The following DPP6 variants were observed in gnomAD, a reference collection of about 807,000 sequenced individuals.
DPP6 encodes the protein dipeptidyl peptidase like 6, also known as A-type potassium channel modulatory protein DPP6.
In DPP6, 69 loss-of-function variants were observed where a neutral mutation model predicts 122.6. The observed-to-expected ratio is 0.56, with a 90% confidence interval of 0.46 to 0.69. DPP6 has a LOEUF of 0.69. DPP6 is among the 30% of genes least tolerant of loss of function. DPP6 has a pLI of 0.00. For missense variants in DPP6, 928 were observed against 1,116.9 expected (o/e 0.83, Z 2.41); for synonymous variants, 418 against 433.1 (o/e 0.97, Z 0.43).
intron 1 of DPP6, among the ~76,000 whole-genome samples, chr7:154,091,638 C>T (rs1224357399): frequency 2.3e-5 from 3 of 129,598 alleles, no homozygotes; most frequent in African/African-American, 7.4e-5. Context: ...ATCTGACAGG[C>T]AAGGGTCCCT....
chr7:153,876,595 G>A, the DPP6 span, among the ~76,000 whole-genome samples: 44 of 152,100 alleles, frequency 2.9e-4, no homozygotes, highest in African/African-American at 1.0e-3. Flanking sequence ...GAAATTAAAA[G>A]TGCCAATTTT....
chr7:154,700,944 C>T (rs1259715987), intron 7 of DPP6, among the ~76,000 whole-genome samples: 1 of 152,148 alleles, frequency 6.6e-6, no homozygotes, highest in Non-Finnish European at 1.5e-5. Flanking sequence ...CACAGTCCAG[C>T]CCTTGCCCAA....
Position 154,446,321 on chromosome 7 carries a change from G to T in DPP6, c.351G>T (p.Leu117=). 1 of 1,611,152 alleles carries T rather than the reference G, an allele frequency of 6.2e-7. No individual in the cohort carries two copies. Among genetic ancestry groups the T allele is most frequent in the South Asian group, 1.1e-5 (1 of 90,756 alleles). The change falls in exon 2 of 26, where the codon CTG becomes CTT. Residue 117 remains leucine (L), a synonymous_variant. Coordinates refer to ENST00000377770, the MANE Select transcript of DPP6 (RefSeq NM_130797.4). The stretch of plus-strand genomic sequence containing the variant: ...TGATCGTCACCTCGGTCATACTTCT[G>T]ACACCAGGTACTGTATTCATTCTTG... The part of the protein sequence containing the change: ...CSLIVTSVIL[L]TPAEDNSLSQ...
intron 1 of DPP6, among the ~76,000 whole-genome samples, chr7:154,088,374 T>C (rs1200375793): frequency 6.8e-6 from 1 of 146,954 alleles, no homozygotes; most frequent in Non-Finnish European, 1.5e-5. Context: ...GAGACACTGG[T>C]GGCTTTCTGA....
At chr7:153,855,288 T>C in the DPP6 span, among the ~76,000 whole-genome samples, 2 of 152,086 alleles carry the variant, frequency 1.3e-5, no homozygotes, top group African/African-American at 4.8e-5. Flanking sequence ...ATATTCTTTT[T>C]CAATATTATT....
At chr7:154,334,469 A>G (rs1328887250) in intron 1 of DPP6, among the ~76,000 whole-genome samples, 1 of 152,216 alleles carries the variant, frequency 6.6e-6, no homozygotes, top group Non-Finnish European at 1.5e-5. Flanking sequence ...CACTTCTGCC[A>G]TCAATGGCAA....
intron 1 of DPP6, among the ~76,000 whole-genome samples, chr7:154,334,643 TC>T (rs1809242318): frequency 2.0e-5 from 3 of 152,200 alleles, no homozygotes; most frequent in Non-Finnish European, 4.4e-5. Flanking sequence ...ACGCCTGTAA[TC>T]CCAGCACTTT....
At chr7:154,372,607 T>C (rs1812770433) in intron 1 of DPP6, among the ~76,000 whole-genome samples, 2 of 152,182 alleles carry the variant, frequency 1.3e-5, no homozygotes, top group African/African-American at 2.4e-5. Context: ...AAAAATTGCT[T>C]CCTGGGGAAT....
intron 1 of DPP6, among the ~76,000 whole-genome samples, chr7:154,233,412 G>T (rs1241836463): frequency 6.6e-6 from 1 of 152,182 alleles, no homozygotes; most frequent in Non-Finnish European, 1.5e-5. Context: ...GTTAAATGGT[G>T]CCCACCCGAA....
At chr7:154,756,201 C>G (rs1039320733) in intron 8 of DPP6, among the ~76,000 whole-genome samples, 1 of 152,038 alleles carries the variant, frequency 6.6e-6, no homozygotes, top group Non-Finnish European at 1.5e-5. Context: ...CAGTAGAAGC[C>G]CTGAGATGTC....
At chr7:154,023,702 G>T (rs866443282) in intron 1 of DPP6, among the ~76,000 whole-genome samples, 1 of 151,944 alleles carries the variant, frequency 6.6e-6, no homozygotes, top group Non-Finnish European at 1.5e-5. Flanking sequence ...GGCTGGTCTC[G>T]AACTCCTGAT....
At chr7:154,794,522 GTCC>G (rs1797897232) in intron 11 of DPP6, among the ~76,000 whole-genome samples, 1 of 152,194 alleles carries the variant, frequency 6.6e-6, no homozygotes, top group Non-Finnish European at 1.5e-5. Context: ...CTAAGTGAGC[GTCC>G]TCCTCGTTGC....
chr7:154,343,421 A>C (rs1291136694), intron 1 of DPP6, among the ~76,000 whole-genome samples: 1 of 152,196 alleles, frequency 6.6e-6, no homozygotes, highest in Non-Finnish European at 1.5e-5. Flanking sequence ...TGCGGTCTTG[A>C]TTTTGAGACA....
intron 16 of DPP6, among the ~76,000 whole-genome samples, chr7:154,827,852 C>T (rs971411768): frequency 6.6e-6 from 1 of 151,952 alleles, no homozygotes; most frequent in Non-Finnish European, 1.5e-5. Flanking sequence ...GAGGTAGCAG[C>T]GATGGTGATG....
intron 1 of DPP6, among the ~76,000 whole-genome samples, chr7:154,202,827 T>C (rs1799242332): frequency 6.6e-6 from 1 of 152,198 alleles, no homozygotes; most frequent in South Asian, 2.1e-4. Flanking sequence ...GCATTTTGTC[T>C]GAGTCCCCAG....
chr7:154,246,754 G>C (rs1288292257), intron 1 of DPP6, among the ~76,000 whole-genome samples: 1 of 152,086 alleles, frequency 6.6e-6, no homozygotes, highest in East Asian at 1.9e-4. Context: ...ATTGATTTTT[G>C]ATAAAGTAGG....
At chr7:154,811,599 T>C (rs1054517089) in intron 16 of DPP6, among the ~76,000 whole-genome samples, 1 of 152,218 alleles carries the variant, frequency 6.6e-6, no homozygotes, top group Admixed American at 6.5e-5. Flanking sequence ...TGTAAGATTA[T>C]GCAATGGAAT....
chr7:153,943,107 T>C (rs1177950656), intron 1 of DPP6, among the ~76,000 whole-genome samples: 1 of 152,178 alleles, frequency 6.6e-6, no homozygotes, highest in Non-Finnish European at 1.5e-5. Context: ...AATACCAATA[T>C]ACCCTTAATA....
chr7:154,685,172 C>T (rs1346470868), intron 7 of DPP6, among the ~76,000 whole-genome samples: 1 of 152,196 alleles, frequency 6.6e-6, no homozygotes, highest in African/African-American at 2.4e-5. Flanking sequence ...GCTCAGCTGG[C>T]CTTTCCCCTC....
Sources: allele counts gnomAD v4.1 joint callset (sites outside exome capture counted in the v4.1 genomes callset), GRCh38; gene constraint gnomAD v4.1.1; transcripts MANE v1.5; gene names NCBI Gene and HGNC (gene_info 2026-07-23, HGNC 2026-07-21).